The following ELOVL6 variants were observed in gnomAD, a reference collection of about 807,000 sequenced individuals.
The protein encoded by ELOVL6 is very long chain fatty acid elongase 6.
A neutral mutation model predicts 31.7 loss-of-function variants in ELOVL6; 8 were observed. The ratio of observed to expected loss-of-function variants is 0.25; its 90% CI spans 0.15 to 0.45. The LOEUF is 0.45. Ranked by LOEUF, ELOVL6 falls within the 20% of genes least tolerant of loss-of-function variation. The pLI, the probability that ELOVL6 is intolerant of heterozygous loss-of-function variation, is 1.00. For synonymous variants in ELOVL6, 101 were observed against 117.7 expected, an observed-to-expected ratio of 0.86 and a Z score of 0.92; for missense variants, 126 against 326.4, an observed-to-expected ratio of 0.39 and a Z score of 4.73.
chr4:110,048,070 C>G lies in ELOVL6; in HGVS notation c.*3268G>C, dbSNP rs1320050156. 2 of 151,900 alleles carry G rather than the reference C, an allele frequency of 1.3e-5. No individual in the cohort carries two copies. The highest frequency in any genetic ancestry group is 1.3e-4 in the Admixed American group (2 of 15,242). 9.4% of individuals were successfully genotyped at this position (151,900 alleles called of 1,614,324 possible). ...TTACATGAGCAGAGAGGTGGAGAAGCGAGGGGATATAATCAAGCCTTTCTT... is the reference window on the plus strand; with the variant it reads ...TTACATGAGCAGAGAGGTGGAGAAGGGAGGGGATATAATCAAGCCTTTCTT... On this transcript the variant is annotated 3_prime_UTR_variant, in exon 4 of 4. Transcript: ENST00000302274.
intron 1 of ELOVL6, among the ~76,000 whole-genome samples, chr4:110,155,776 C>T (rs1254846804): frequency 1.3e-5 from 2 of 152,122 alleles, no homozygotes; most frequent in Non-Finnish European, 2.9e-5. Flanking sequence ...CTTCCTAAAC[C>T]ACAGGTTCTC....
intron 2 of ELOVL6, among the ~76,000 whole-genome samples, chr4:110,098,533 G>A (rs1756655063): frequency 6.6e-6 from 1 of 151,998 alleles, no homozygotes. Flanking sequence ...AGGAATTGAA[G>A]CCCCCTTTGG....
intron 1 of ELOVL6, among the ~76,000 whole-genome samples, chr4:110,116,006 T>C (rs1035377427): frequency 6.6e-6 from 1 of 152,178 alleles, no homozygotes; most frequent in Non-Finnish European, 1.5e-5. Flanking sequence ...TATCTGACTC[T>C]GATCCCCCCA....
intron 2 of ELOVL6, among the ~76,000 whole-genome samples, chr4:110,102,758 C>A (rs1474135031): frequency 6.6e-6 from 1 of 151,702 alleles, no homozygotes; most frequent in Non-Finnish European, 1.5e-5. Flanking sequence ...AATATAAGAA[C>A]TTACTCAGCA....
At chr4:110,089,108 A>G (rs556880657) in intron 2 of ELOVL6, among the ~76,000 whole-genome samples, 1 of 152,312 alleles carries the variant, frequency 6.6e-6, no homozygotes, top group South Asian at 2.1e-4. Context: ...TTCTCTTTCC[A>G]GCAAATGTTA....
At chr4:110,105,682 A>G (rs1210436506) in intron 1 of ELOVL6, 54 bp from the exon 2 acceptor site, 1 of 1,543,574 alleles carries the variant, frequency 6.5e-7, no homozygotes. Context: ...AGGAAACACC[A>G]AATTTTGTAC....
chr4:110,072,160 A>C (rs558455926), intron 2 of ELOVL6, among the ~76,000 whole-genome samples: 1 of 152,318 alleles, frequency 6.6e-6, no homozygotes, highest in African/African-American at 2.4e-5. Context: ...GCCAGCTTTA[A>C]ATAAAAAAAT....
At chr4:110,156,625 C>G (rs1379464389) in intron 1 of ELOVL6, among the ~76,000 whole-genome samples, 1 of 152,046 alleles carries the variant, frequency 6.6e-6, no homozygotes, top group Admixed American at 6.6e-5. Flanking sequence ...GACTGAGGCT[C>G]CAGTGAGCTA....
chr4:110,141,225 A>C (rs1757944629), intron 1 of ELOVL6, among the ~76,000 whole-genome samples: 1 of 152,054 alleles, frequency 6.6e-6, no homozygotes, highest in African/African-American at 2.4e-5. Context: ...CACCACACCC[A>C]GCTAATTTTG....
At chr4:110,082,551 A>G (rs1755897034) in intron 2 of ELOVL6, among the ~76,000 whole-genome samples, 1 of 152,020 alleles carries the variant, frequency 6.6e-6, no homozygotes, top group African/African-American at 2.4e-5. Flanking sequence ...CAATGAGAAC[A>G]CATGGACACA....
At chr4:110,061,613 G>T (rs2126223119) in intron 2 of ELOVL6, among the ~76,000 whole-genome samples, 1 of 133,582 alleles carries the variant, frequency 7.5e-6, no homozygotes, top group East Asian at 2.4e-4. Flanking sequence ...CTGGAGTACA[G>T]TGGCATGATC....
At chr4:110,122,798 C>A (rs148209271) in intron 1 of ELOVL6, among the ~76,000 whole-genome samples, 2 of 152,324 alleles carry the variant, frequency 1.3e-5, no homozygotes, top group African/African-American at 4.8e-5. Flanking sequence ...AAAGACATCA[C>A]GCCCCTTTGT....
intron 2 of ELOVL6, among the ~76,000 whole-genome samples, chr4:110,094,704 C>A (rs144505229): frequency 8.1e-4 from 123 of 151,402 alleles, no homozygotes; most frequent in Middle Eastern, 3.4e-3. Flanking sequence ...CCATTGCAGG[C>A]TCCTGACACT....
chr4:110,064,525 G>A (rs552908225), intron 2 of ELOVL6, among the ~76,000 whole-genome samples: 26 of 152,010 alleles, frequency 1.7e-4, no homozygotes, highest in African/African-American at 4.3e-4. Context: ...GTGCAGTGGC[G>A]CAATCACAGC....
chr4:110,195,657 C>G (rs769861258), intron 1 of ELOVL6, among the ~76,000 whole-genome samples: 1 of 152,106 alleles, frequency 6.6e-6, no homozygotes, highest in Non-Finnish European at 1.5e-5. Context: ...CAACAGAGAG[C>G]AGAAGCCAGG....
chr4:110,153,298 TGA>T (rs1758331471), intron 1 of ELOVL6, among the ~76,000 whole-genome samples: 1 of 152,162 alleles, frequency 6.6e-6, no homozygotes, highest in Non-Finnish European at 1.5e-5. Flanking sequence ...CCATAACTTA[TGA>T]GACCTTATAC....
chr4:110,188,478 C>T (rs1192376049), intron 1 of ELOVL6, among the ~76,000 whole-genome samples: 2 of 152,130 alleles, frequency 1.3e-5, no homozygotes, highest in African/African-American at 4.8e-5. Context: ...CTTATTCAAG[C>T]CTGGAACCCA....
At chr4:110,199,154 G>C (rs1037197472), upstream of ELOVL6, 1 of 151,776 alleles carries the variant, frequency 6.6e-6, no homozygotes, top group African/African-American at 2.4e-5. Context: ...GGGATGCTGA[G>C]TGTGAGGATA....
At chr4:110,077,279 A>G (rs1203616898) in intron 2 of ELOVL6, among the ~76,000 whole-genome samples, 1 of 152,186 alleles carries the variant, frequency 6.6e-6, no homozygotes, top group East Asian at 1.9e-4. Context: ...CTGAGAATGG[A>G]CAGACTGTCT....
Sources: allele counts gnomAD v4.1 joint callset (sites outside exome capture counted in the v4.1 genomes callset), GRCh38; gene constraint gnomAD v4.1.1; transcripts MANE v1.5; gene names NCBI Gene and HGNC (gene_info 2026-07-23, HGNC 2026-07-21).